Variants in TMIGD1 observed in about 807,000 individuals in gnomAD.
TMIGD1 encodes the protein transmembrane and immunoglobulin domain-containing protein 1.
TMIGD1 carries 29 observed loss-of-function variants against 27.5 expected under a neutral mutation model. The ratio of observed to expected loss-of-function variants is 1.05; its 90% confidence interval spans 0.78 to 1.44. TMIGD1 has a LOEUF of 1.44. Among genes scored for constraint, TMIGD1 ranks in the 40% most tolerant of loss-of-function variants. The pLI is 0.00. For synonymous variants in TMIGD1, 109 were observed against 110.3 expected (o/e 0.99, Z 0.07); for missense variants, 334 against 310.6 (o/e 1.08, Z -0.57).
chr17:30,320,552 C>A (rs184468658), intron 4 of TMIGD1, among the ~76,000 whole-genome samples: 1 of 152,244 alleles, frequency 6.6e-6, no homozygotes, highest in Admixed American at 6.5e-5. Flanking sequence ...AATGTTTAAA[C>A]CTCAAGAACC....
At chr17:30,319,261 A>AAAAAAAAAAAAAAAAAATATAT in intron 4 of TMIGD1, among the ~76,000 whole-genome samples, 4 of 69,066 alleles carry the variant, frequency 5.8e-5, no homozygotes, top group African/African-American at 2.7e-4. Context: ...AAAAAAAAAA[A>AAAAAAAAAAAAAAAAAATATAT]ATATATATAT....
In TMIGD1 at chr17:30,322,746, C is replaced by T. The variant is rs534172846; in HGVS notation, c.640+2070G>A. Among the ~76,000 whole-genome samples the T allele has an allele frequency of 1.8e-4, 27 of 152,330 alleles. No individual in the cohort carries two copies. In the East Asian group the frequency reaches 5.0e-3, roughly 28 times the overall value. Reference sequence around the variant, plus strand: ...CAAACCGCTGACCTCCTGATCCACCCGCCTCGGCCTCCCAAAATGCTGGGA... The same window carrying T: ...CAAACCGCTGACCTCCTGATCCACCTGCCTCGGCCTCCCAAAATGCTGGGA... On this transcript the variant is annotated intron_variant, in intron 4 of 6. Coordinates refer to ENST00000328886, the MANE Select transcript of TMIGD1 (RefSeq NM_206832.3).
intron 3 of TMIGD1, among the ~76,000 whole-genome samples, chr17:30,326,062 C>T (rs776746604): frequency 7.9e-5 from 12 of 152,062 alleles, no homozygotes; most frequent in Non-Finnish European, 1.8e-4. Context: ...AATAATTAGA[C>T]CCTGAGTAGG....
chr17:30,330,041 C>T lies in TMIGD1; in HGVS notation c.83-512G>A, dbSNP rs1371639597. Reference sequence around the variant, plus strand: ...TGGAGGTTGCAGTGAGCCAAGATCGCACCATTGAACTCCAGTCTGGGTGAT... The same window carrying T: ...TGGAGGTTGCAGTGAGCCAAGATCGTACCATTGAACTCCAGTCTGGGTGAT... On this transcript the variant is annotated intron_variant, in intron 2 of 6. Transcript: ENST00000328886. 2.0e-5 allele frequency among the ~76,000 whole-genome samples: 3 copies of T among 152,076 alleles called. No individual in the cohort carries two copies. The East Asian group carries it at 5.8e-4, about 29-fold the overall frequency.
chr17:30,329,563 A>G (rs762377429), intron 2 of TMIGD1, 34 bp from the exon 3 acceptor site: 5 of 1,578,574 alleles, frequency 3.2e-6, no homozygotes, highest in Non-Finnish European at 3.5e-6. Flanking sequence ...TTAGATATAC[A>G]GAGTAAACAA....
rs1309060550 is a variant in TMIGD1 at position 30,324,891 on chromosome 17, C to T, written c.565G>A (p.Asp189Asn). Residue 189 changes from aspartate to asparagine, a missense_variant, in exon 4 of 7, where the codon GAC becomes AAC. By Grantham distance (23) the Asp-to-Asn change is conservative (BLOSUM62 1). Transcript: ENST00000328886. Reference protein sequence around the residue: ...QLSITKVEKPDNGTYSCIAKS... With the variant: ...QLSITKVEKPNNGTYSCIAKS... ...GCAATACAACTGTAGGTTCCGTTGT[C>T]AGGCTTCTCGACTTTGGTGATTGAC... 1.2e-5 allele frequency: 20 copies of T among 1,614,066 alleles called. No homozygotes were observed. Among genetic ancestry groups the T allele is most frequent in the Non-Finnish European group, 1.6e-5 (19 of 1,180,022 alleles).
In TMIGD1 at chr17:30,330,103, C is replaced by A. The variant is rs982022821; in HGVS notation, c.83-574G>T. 3.3e-5 allele frequency among the ~76,000 whole-genome samples: 5 copies of A among 151,878 alleles called. No homozygotes were observed. The East Asian group carries it at 7.7e-4, about 23-fold the overall frequency. ...TTGCCCCCAAAAAAAAGTACTGATG[C>A]CTGATTCTCATCCCCAGACATCTGA... On this transcript the variant is annotated intron_variant, in intron 2 of 6. Coordinates refer to ENST00000328886, the MANE Select transcript of TMIGD1 (RefSeq NM_206832.3).
rs187517900 is a variant in TMIGD1 at position 30,330,191 on chromosome 17, C to T, written c.83-662G>A. ...TAAAGGCACCCCACCCCCCGACCCC[C>T]GGTGATTTGAGAAGCATCAGGTTAG... is the stretch of plus-strand genomic sequence containing the variant. On this transcript the variant is annotated intron_variant, in intron 2 of 6. Transcript: ENST00000328886. Among the ~76,000 whole-genome samples the T allele has an allele frequency of 4.5e-3, 684 of 151,354 alleles. 2 individuals are homozygous for T. Among genetic ancestry groups the T allele is most frequent in the Middle Eastern group, 0.027 (8 of 294 alleles).
intron 4 of TMIGD1, 72 bp downstream of exon 4, chr17:30,324,743 TC>T: frequency 6.7e-7 from 1 of 1,499,296 alleles, no homozygotes; most frequent in Non-Finnish European, 9.1e-7. Flanking sequence ...TCATTTATTG[TC>T]ACCAGAAATA....
intron 6 of TMIGD1, 197 bp from the exon 7 acceptor site, chr17:30,316,887 G>A: frequency 1.5e-6 from 1 of 650,584 alleles, no homozygotes. Context: ...TTGTTGTAAA[G>A]CAGTATGGAC....
chr17:30,318,886 G>T lies in TMIGD1; in HGVS notation c.668C>A (p.Pro223His). ...GATCACAACACATGCAGCAATAATGGGCTCTATTGGTACACCCACAGTTTT... is the reference window on the plus strand; with the variant it reads ...GATCACAACACATGCAGCAATAATGTGCTCTATTGGTACACCCACAGTTTT... Reference protein sequence around the residue: ...KDKTVGVPIEPIIAACVVIFL... With the variant: ...KDKTVGVPIEHIIAACVVIFL... Residue 223 changes from proline to histidine, a missense_variant, in exon 5 of 7, where the codon CCC becomes CAC. Transcript: ENST00000328886. The T allele has an allele frequency of 6.2e-7, 1 of 1,613,502 alleles. No individual in the cohort carries two copies. Among genetic ancestry groups the T allele is most frequent in the South Asian group, 1.1e-5 (1 of 91,056 alleles).
Position 30,332,153 on chromosome 17 carries a change from G to C in TMIGD1, c.-20C>G, listed in dbSNP as rs1567852536. ...TGCCATCTTTAATGAGTTAAACTCA[G>C]ATCTACTAAGGGAAAAATAGTGCAG... On this transcript the variant is annotated 5_prime_UTR_variant, in exon 2 of 7. The change creates a new upstream start codon in the 5' untranslated region. Transcript: ENST00000328886. The C allele has an allele frequency of 3.1e-6, 5 of 1,597,718 alleles. No homozygotes were observed. In the South Asian group the frequency reaches 5.6e-5, roughly 18 times the overall value.
intron 4 of TMIGD1, among the ~76,000 whole-genome samples, chr17:30,319,261 A>AAAAAAAAAAAAAAAATATATATATAT: frequency 8.7e-4 from 60 of 68,968 alleles, no homozygotes; most frequent in African/African-American, 1.2e-3. Context: ...AAAAAAAAAA[A>AAAAAAAAAAAAAAAATATATATATAT]ATATATATAT....
At chr17:30,329,933 AC>A (rs926304411) in intron 2 of TMIGD1, among the ~76,000 whole-genome samples, 3 of 151,394 alleles carry the variant, frequency 2.0e-5, no homozygotes, top group South Asian at 2.1e-4. Context: ...AAAAAAAAAA[AC>A]ATTAGCCAGG....
intron 3 of TMIGD1, among the ~76,000 whole-genome samples, chr17:30,327,042 CTA>C (rs1491526370): frequency 1.5e-5 from 2 of 129,798 alleles, no homozygotes; most frequent in Non-Finnish European, 3.2e-5. Context: ...GAGCAATTAA[CTA>C]TACACACACA....
chr17:30,332,138 A>G lies in TMIGD1; in HGVS notation c.-5T>C, dbSNP rs1393717277. ...GACACTGCTCTTCCATGCCATCTTT[A>G]ATGAGTTAAACTCAGATCTACTAAG... On this transcript the variant is annotated 5_prime_UTR_variant, in exon 2 of 7. Transcript: ENST00000328886. 3.1e-6 allele frequency: 5 copies of G among 1,611,194 alleles called. No homozygotes were observed. Among genetic ancestry groups the G allele is most frequent in the Non-Finnish European group, 4.2e-6 (5 of 1,178,576 alleles).
intron 3 of TMIGD1, among the ~76,000 whole-genome samples, chr17:30,326,449 T>C (rs1439758694): frequency 6.6e-6 from 1 of 152,178 alleles, no homozygotes; most frequent in Non-Finnish European, 1.5e-5. Flanking sequence ...TTTCTATACA[T>C]ATAGTGTACC....
At position 30,329,236 on chromosome 17, in the gene TMIGD1, T is replaced by C; in HGVS notation, c.361+15A>G. The stretch of plus-strand genomic sequence containing the variant: ...CATTACAGACCCACTAGCTGTTTCT[T>C]TTCCCCTCACTCACAAGTAACATTC... On this transcript the variant is annotated intron_variant, in intron 3 of 6. Coordinates refer to ENST00000328886, the MANE Select transcript of TMIGD1 (RefSeq NM_206832.3). The C allele has an allele frequency of 6.2e-7, 1 of 1,609,542 alleles. No individual in the cohort carries two copies. Among genetic ancestry groups the C allele is most frequent in the Non-Finnish European group, 8.5e-7 (1 of 1,176,476 alleles).
intron 3 of TMIGD1, among the ~76,000 whole-genome samples, chr17:30,328,190 G>T (rs1338188957): frequency 6.6e-6 from 1 of 151,670 alleles, no homozygotes; most frequent in Non-Finnish European, 1.5e-5. Flanking sequence ...GCCTACCACC[G>T]CACCTGGCCA....
Sources: gnomAD v4.1 joint callset for allele counts (sites outside exome capture counted in the v4.1 genomes callset) on GRCh38, gnomAD v4.1.1 for gene constraint, MANE v1.5 for transcripts, NCBI Gene and HGNC (gene_info 2026-07-23, HGNC 2026-07-21) for gene names.